Variants in PARD3B observed in about 807,000 individuals in gnomAD.
The protein encoded by PARD3B is partitioning defective 3 homolog B.
A neutral mutation model predicts 130.2 loss-of-function variants in PARD3B; 103 were observed. The ratio of observed to expected loss-of-function variants is 0.79; its 90% CI spans 0.67 to 0.93. The LOEUF is 0.93. PARD3B is among the 40% of genes least tolerant of loss of function. The probability of loss-of-function intolerance (pLI) is 0.00; values close to 1 mark genes in which losing one functional copy is unlikely to be tolerated. For missense variants in PARD3B, 1,609 were observed against 1,499.2 expected, an observed-to-expected ratio of 1.07 and a Z score of -1.21; for synonymous variants, 583 against 553.2, an observed-to-expected ratio of 1.05 and a Z score of -0.76.
At chr2:205,429,303 G>A (rs1298945742) in intron 19 of PARD3B, among the ~76,000 whole-genome samples, 1 of 152,134 alleles carries the variant, frequency 6.6e-6, no homozygotes, top group Non-Finnish European at 1.5e-5. Flanking sequence ...AAAATTAGCA[G>A]TGAAAAAGAA....
At position 205,121,522 on chromosome 2, in the gene PARD3B, C is replaced by G. The variant is rs1447190570; in HGVS notation, c.807-69C>G. ...CTGTGCTGCTCTTGGTTGCCATCCT[C>G]CTGGGGTACTTTAGAAGATGCTGCA... On this transcript the variant is annotated intron_variant, in intron 7 of 22. Transcript: ENST00000406610. The surrounding 1 kb of genome is among the most constrained non-coding windows in gnomAD (Gnocchi z 5.0). 7.2e-7 allele frequency: 1 copy of G among 1,385,378 alleles called. No individual in the cohort carries two copies. Among genetic ancestry groups the G allele is most frequent in the Non-Finnish European group, 1.0e-6 (1 of 992,766 alleles). 85.8% of individuals were successfully genotyped at this position (1,385,378 alleles called of 1,614,324 possible).
chr2:205,259,331 TC>T (rs2040212681), intron 16 of PARD3B, among the ~76,000 whole-genome samples: 2 of 152,186 alleles, frequency 1.3e-5, no homozygotes, highest in African/African-American at 4.8e-5. Flanking sequence ...ACATGTATTT[TC>T]CTTGGCAACT....
At chr2:205,034,335 T>C (rs1273180745) in intron 3 of PARD3B, among the ~76,000 whole-genome samples, 4 of 151,880 alleles carry the variant, frequency 2.6e-5, no homozygotes, top group Admixed American at 6.6e-5. Context: ...AGATATCACT[T>C]TCTCTCTCAC....
chr2:204,889,570 G>A (rs2046377722), intron 2 of PARD3B, among the ~76,000 whole-genome samples: 1 of 152,118 alleles, frequency 6.6e-6, no homozygotes, highest in Admixed American at 6.6e-5. Context: ...CTCCAGAACT[G>A]TTCAAGTCCA....
At chr2:204,982,068 A>G (rs1466289652) in intron 3 of PARD3B, among the ~76,000 whole-genome samples, 2 of 152,144 alleles carry the variant, frequency 1.3e-5, no homozygotes, top group Admixed American at 1.3e-4. Flanking sequence ...CAAAAAGACA[A>G]CTTCTGGTAA....
chr2:205,433,914 A>C (rs2047423074), intron 19 of PARD3B, among the ~76,000 whole-genome samples: 1 of 152,208 alleles, frequency 6.6e-6, no homozygotes, highest in African/African-American at 2.4e-5. Context: ...GGTGATAAAC[A>C]GCTGAATTTT....
chr2:205,305,958 G>A (rs967760647), intron 18 of PARD3B, among the ~76,000 whole-genome samples: 3 of 152,124 alleles, frequency 2.0e-5, no homozygotes, highest in Admixed American at 6.6e-5. Flanking sequence ...TTAAGGTTGC[G>A]GGTGGAATTA....
At chr2:205,390,072 A>G (rs557861054) in intron 18 of PARD3B, among the ~76,000 whole-genome samples, 3 of 151,090 alleles carry the variant, frequency 2.0e-5, no homozygotes, top group East Asian at 3.9e-4. Flanking sequence ...AATTAATATA[A>G]TAACTCTTTT....
At chr2:205,270,856 A>C (rs1540361) in intron 16 of PARD3B, among the ~76,000 whole-genome samples, 69,544 of 151,880 alleles carry the variant, frequency 0.46, 19,330 homozygotes, top group Admixed American at 0.62. Context: ...GTCTTCCCCC[A>C]GACGGCTTTA....
At chr2:204,621,752 G>C (rs572177902) in intron 1 of PARD3B, among the ~76,000 whole-genome samples, 13 of 152,256 alleles carry the variant, frequency 8.5e-5, no homozygotes, top group African/African-American at 2.4e-4. Context: ...AGGGAGAAAA[G>C]AGAAAATTAT....
intron 2 of PARD3B, among the ~76,000 whole-genome samples, chr2:204,826,737 C>T (rs562969295): frequency 5.9e-5 from 9 of 152,140 alleles, no homozygotes; most frequent in East Asian, 1.9e-4. Flanking sequence ...GTTGCATTCT[C>T]GGCTGGGCAT....
chr2:205,499,818 C>T, intron 20 of PARD3B, 78 bp from the exon 21 acceptor site: 6 of 1,407,338 alleles, frequency 4.3e-6, no homozygotes, highest in Non-Finnish European at 5.8e-6. Flanking sequence ...ATGTCAACTC[C>T]TTTAACAAGA....
At chr2:204,713,654 A>G (rs529909663) in intron 2 of PARD3B, among the ~76,000 whole-genome samples, 2 of 152,194 alleles carry the variant, frequency 1.3e-5, no homozygotes, top group South Asian at 4.1e-4. Context: ...GTGGAATTAT[A>G]TGATGTTCAC....
intron 2 of PARD3B, among the ~76,000 whole-genome samples, chr2:204,882,734 A>G (rs1315930880): frequency 6.6e-6 from 1 of 152,192 alleles, no homozygotes; most frequent in Non-Finnish European, 1.5e-5. Context: ...GCTTATTAGA[A>G]ATACAAAATC....
intron 2 of PARD3B, among the ~76,000 whole-genome samples, chr2:204,698,944 A>G (rs57991840): frequency 0.044 from 6,652 of 152,068 alleles, 406 homozygotes; most frequent in East Asian, 0.14. Context: ...AAAAAGAAAA[A>G]CCTTGGGCAG....
chr2:205,561,357 ATCC>A, intron 22 of PARD3B, among the ~76,000 whole-genome samples: 1 of 152,170 alleles, frequency 6.6e-6, no homozygotes, highest in African/African-American at 2.4e-5. Context: ...CTAGATAGTA[ATCC>A]AAAGAGTTCA....
rs2054331334 is a variant in PARD3B, at chr2:205,590,108, C to T, written c.3261-25348C>T. ...ACCAACACATGAATGTACACATGGA[C>T]AATAGGTAAACATTATTGTTCTCTC... On this transcript the variant is annotated intron_variant, in intron 22 of 22. Coordinates refer to ENST00000406610, the MANE Select transcript of PARD3B (RefSeq NM_001302769.2). The surrounding 1 kb of genome is among the most constrained non-coding windows in gnomAD (Gnocchi z 4.1). Among the ~76,000 whole-genome samples the T allele has an allele frequency of 6.6e-6, 1 of 152,106 alleles. No individual in the cohort carries two copies. Among genetic ancestry groups the T allele is most frequent in the Non-Finnish European group, 1.5e-5 (1 of 68,028 alleles).
intron 8 of PARD3B, among the ~76,000 whole-genome samples, chr2:205,123,766 A>C (rs1271602385): frequency 2.6e-5 from 4 of 152,040 alleles, no homozygotes; most frequent in Non-Finnish European, 5.9e-5. Flanking sequence ...AGATGGAAGT[A>C]AGGATCCTTC....
Position 204,673,250 on chromosome 2 carries a change from CCTT to C in PARD3B, c.121-12923_121-12921del, listed in dbSNP as rs760101464. 5.8e-4 allele frequency among the ~76,000 whole-genome samples: 89 copies of C among 152,200 alleles called. 1 individual carries two copies. The highest frequency in any genetic ancestry group is 1.5e-3 in the Admixed American group (23 of 15,286). On this transcript the variant is annotated intron_variant, in intron 1 of 22. Coordinates refer to ENST00000406610, the MANE Select transcript of PARD3B (RefSeq NM_001302769.2). This position sits in a 1 kb window ranked among gnomAD's most constrained non-coding sequence, Gnocchi z 4.7. Reference sequence around the variant, plus strand: ...CTGAGATGCAAATAACATGTAAGTCCCTTCTTCTTCCTTTCTAGAAGTATTTTC... The same window carrying C: ...CTGAGATGCAAATAACATGTAAGTCCCTTCTTCCTTTCTAGAAGTATTTTC...
Sources: allele counts gnomAD v4.1 joint callset (sites outside exome capture counted in the v4.1 genomes callset), GRCh38; gene constraint gnomAD v4.1.1; non-coding constraint Gnocchi (gnomAD v3.1); transcripts MANE v1.5; gene names NCBI Gene and HGNC (gene_info 2026-07-23, HGNC 2026-07-21).